Variants in FARS2 observed in about 807,000 individuals in gnomAD.
The protein encoded by FARS2 is phenylalanine--tRNA ligase, mitochondrial.
FARS2 carries 40 observed loss-of-function variants against 46.4 expected under a neutral mutation model. The observed-to-expected ratio is 0.86, with a 90% CI of 0.67 to 1.12. The LOEUF is 1.12. FARS2 is among the 50% of genes most tolerant of loss of function. FARS2 has a pLI of 0.00. For synonymous variants in FARS2, 234 were observed against 214.9 expected (o/e 1.09, Z -0.78); for missense variants, 513 against 567.9 (o/e 0.90, Z 0.98).
chr6:5,766,167 T>C (rs937331320), intron 6 of FARS2, among the ~76,000 whole-genome samples: 1 of 152,242 alleles, frequency 6.6e-6, no homozygotes, highest in African/African-American at 2.4e-5. Context: ...AACTTTTGTT[T>C]GCCTCTAAAA....
intron 5 of FARS2, among the ~76,000 whole-genome samples, chr6:5,582,576 G>C (rs952932087): frequency 1.3e-5 from 2 of 152,150 alleles, no homozygotes; most frequent in African/African-American, 4.8e-5. Flanking sequence ...TGCTTTTTTA[G>C]GTATCAAAAG....
intron 4 of FARS2, among the ~76,000 whole-genome samples, chr6:5,447,374 C>T (rs1764241507): frequency 6.6e-6 from 1 of 152,174 alleles, no homozygotes; most frequent in Non-Finnish European, 1.5e-5. Flanking sequence ...CTTTCCTAAG[C>T]ATAATTGACA....
At chr6:5,404,492 T>C in intron 2 of FARS2, 50 bp from the exon 3 acceptor site, 3 of 1,354,218 alleles carry the variant, frequency 2.2e-6, no homozygotes, top group Non-Finnish European at 3.0e-6. Flanking sequence ...TTATCTGATA[T>C]AGATGGGCCA....
chr6:5,579,375 C>T (rs1316567771), intron 5 of FARS2, among the ~76,000 whole-genome samples: 1 of 152,156 alleles, frequency 6.6e-6, no homozygotes, highest in Non-Finnish European at 1.5e-5. Flanking sequence ...ATTCTCCTGC[C>T]TCAGCCTCCC....
At chr6:5,741,289 G>A (rs1441018875) in intron 6 of FARS2, among the ~76,000 whole-genome samples, 1 of 152,212 alleles carries the variant, frequency 6.6e-6, no homozygotes, top group Non-Finnish European at 1.5e-5. Context: ...GTTACCCTAT[G>A]CTGACTGCAC....
At chr6:5,691,632 G>A (rs1414135038) in intron 6 of FARS2, among the ~76,000 whole-genome samples, 2 of 152,178 alleles carry the variant, frequency 1.3e-5, no homozygotes, top group African/African-American at 4.8e-5. Context: ...GCTACTCAGG[G>A]GTCAGGGACC....
chr6:5,335,018 C>G (rs1405295630), intron 1 of FARS2, among the ~76,000 whole-genome samples: 2 of 152,132 alleles, frequency 1.3e-5, no homozygotes, highest in East Asian at 3.8e-4. Flanking sequence ...TTGATGGTTT[C>G]TATGATGGTT....
intron 3 of FARS2, among the ~76,000 whole-genome samples, chr6:5,418,055 G>T (rs928687420): frequency 6.6e-6 from 1 of 151,884 alleles, no homozygotes; most frequent in Non-Finnish European, 1.5e-5. Context: ...CTTCAGTTTG[G>T]ATCTTTTTAA....
chr6:5,545,402 A>G (rs1770910281), intron 5 of FARS2, 62 bp downstream of exon 5: 1 of 1,249,354 alleles, frequency 8.0e-7, no homozygotes. Flanking sequence ...GATCGACAGG[A>G]TCATGTACTT....
intron 4 of FARS2, chr6:5,451,972 T>G (rs1330259917): frequency 6.6e-6 from 1 of 152,252 alleles, no homozygotes; most frequent in African/African-American, 2.4e-5. Context: ...CTTTTATAGT[T>G]ACACGATAGT....
intron 6 of FARS2, among the ~76,000 whole-genome samples, chr6:5,763,166 C>T (rs1449748413): frequency 6.6e-6 from 1 of 152,216 alleles, no homozygotes; most frequent in Non-Finnish European, 1.5e-5. Flanking sequence ...TCCCATCGCT[C>T]ATATCATGGG....
intron 6 of FARS2, among the ~76,000 whole-genome samples, chr6:5,722,095 T>C (rs1759946481): frequency 1.3e-5 from 2 of 152,242 alleles, no homozygotes; most frequent in Non-Finnish European, 1.5e-5. Flanking sequence ...GTTGTTTTTT[T>C]CCTTGTAAGT....
chr6:5,263,107 A>T (rs1765306296), intron 1 of FARS2, among the ~76,000 whole-genome samples: 2 of 152,218 alleles, frequency 1.3e-5, no homozygotes, highest in Admixed American at 6.5e-5. Flanking sequence ...TGGCTTTTTT[A>T]AAAATAGCAA....
At position 5,647,505 on chromosome 6, in the gene FARS2, T is replaced by G. The variant is rs147409236; in HGVS notation, c.1217+34185T>G. On this transcript the variant is annotated intron_variant, in intron 6 of 6. Transcript: ENST00000274680. ...GGGCCTGGAAGGCACATTTCCTGCC[T>G]AAATATTGATTAGAGTTATCTAAAA... 7.9e-5 allele frequency among the ~76,000 whole-genome samples: 12 copies of G among 152,364 alleles called. No individual in the cohort carries two copies. In the East Asian group the frequency reaches 2.1e-3, roughly 27 times the overall value.
chr6:5,491,114 A>T lies in FARS2; in HGVS notation c.905-54066A>T, dbSNP rs147418428. On this transcript the variant is annotated intron_variant, in intron 4 of 6. Coordinates refer to ENST00000274680, the MANE Select transcript of FARS2 (RefSeq NM_006567.5). Reference sequence around the variant, plus strand: ...ACATTTTATATTGTTGGTTCTCTTTAGCGATTCTAGTAGTTATGTGATGGC... The same window carrying T: ...ACATTTTATATTGTTGGTTCTCTTTTGCGATTCTAGTAGTTATGTGATGGC... 5.9e-3 allele frequency among the ~76,000 whole-genome samples: 895 copies of T among 152,262 alleles called. 8 individuals carry two copies. Among genetic ancestry groups the T allele is most frequent in the African/African-American group, 0.02 (847 of 41,544 alleles).
chr6:5,707,458 T>C (rs935024057), intron 6 of FARS2, among the ~76,000 whole-genome samples: 24 of 152,138 alleles, frequency 1.6e-4, no homozygotes, highest in African/African-American at 5.8e-4. Context: ...TCAGAGATAT[T>C]GTAGATAATT....
intron 6 of FARS2, chr6:5,665,438 G>A (rs1003971956): frequency 5.9e-5 from 9 of 152,386 alleles, no homozygotes; most frequent in African/African-American, 2.2e-4. Context: ...AGCATTTCTC[G>A]GAGCTGTAGT....
In FARS2 at chr6:5,418,294, T is replaced by C. The variant is rs529439825; in HGVS notation, c.773-12747T>C. 2.6e-5 allele frequency among the ~76,000 whole-genome samples: 4 copies of C among 152,352 alleles called. No individual in the cohort carries two copies. In the South Asian group the frequency reaches 8.3e-4, roughly 32 times the overall value. On this transcript the variant is annotated intron_variant, in intron 3 of 6. Transcript: ENST00000274680. ...GCCAAACATTGTTAATTTTACCTTCTGATGCATTGGATATTTTTTACCTTC... is the reference window on the plus strand; with the variant it reads ...GCCAAACATTGTTAATTTTACCTTCCGATGCATTGGATATTTTTTACCTTC...
intron 2 of FARS2, among the ~76,000 whole-genome samples, chr6:5,390,700 A>G (rs1028225989): frequency 1.3e-5 from 2 of 152,188 alleles, no homozygotes; most frequent in East Asian, 1.9e-4. Context: ...GTTCTCTTCT[A>G]TTCCCTTAGT....
Sources: gnomAD v4.1 joint callset for allele counts (sites outside exome capture counted in the v4.1 genomes callset) on GRCh38, gnomAD v4.1.1 for gene constraint, MANE v1.5 for transcripts, NCBI Gene and HGNC (gene_info 2026-07-23, HGNC 2026-07-21) for gene names.